Variants in CWF19L2 observed in about 807,000 individuals in gnomAD.
CWF19L2 encodes the protein CWF19 like cell cycle control factor 2, also known as CWF19-like protein 2.
A neutral mutation model predicts 111.7 loss-of-function variants in CWF19L2; 98 were observed. That is an observed-to-expected ratio of 0.88 (90% CI 0.75 to 1.04). CWF19L2 has a LOEUF of 1.04. Ranked by LOEUF, CWF19L2 falls within the 50% of genes least tolerant of loss-of-function variation. The pLI is 0.00. For missense variants in CWF19L2, 1,101 were observed against 1,051.4 expected, an observed-to-expected ratio of 1.05 and a Z score of -0.65; for synonymous variants, 351 against 342.9, an observed-to-expected ratio of 1.02 and a Z score of -0.26.
chr11:107,436,488 T>C (rs1861543458), intron 6 of CWF19L2, among the ~76,000 whole-genome samples: 1 of 152,192 alleles, frequency 6.6e-6, no homozygotes, highest in African/African-American at 2.4e-5. Context: ...TCAGGAAACC[T>C]AGATTTTAGT....
At chr11:107,420,477 G>T (rs1861287857) in intron 8 of CWF19L2, among the ~76,000 whole-genome samples, 1 of 152,034 alleles carries the variant, frequency 6.6e-6, no homozygotes, top group African/African-American at 2.4e-5. Context: ...TTGAATACAT[G>T]AGCAAAAACT....
intron 14 of CWF19L2, among the ~76,000 whole-genome samples, chr11:107,342,107 GT>G (rs1274402062): frequency 1.3e-5 from 2 of 151,706 alleles, no homozygotes; most frequent in Non-Finnish European, 2.9e-5. Context: ...TGCTTTGGAT[GT>G]ACTTTGCTCT....
chr11:107,408,421 G>A (rs1347772806), intron 10 of CWF19L2, among the ~76,000 whole-genome samples: 1 of 151,904 alleles, frequency 6.6e-6, no homozygotes, highest in Non-Finnish European at 1.5e-5. Flanking sequence ...AAAACAAAGA[G>A]GAGGGTTAAG....
intron 6 of CWF19L2, among the ~76,000 whole-genome samples, chr11:107,436,938 C>T (rs540056817): frequency 1.1e-4 from 17 of 152,198 alleles, no homozygotes; most frequent in African/African-American, 4.1e-4. Flanking sequence ...ATAACTGTGC[C>T]ATATAAACTC....
chr11:107,450,431 G>A (rs558180169), intron 3 of CWF19L2, among the ~76,000 whole-genome samples: 5 of 152,084 alleles, frequency 3.3e-5, no homozygotes, highest in Non-Finnish European at 5.9e-5. Flanking sequence ...GTGCACACCC[G>A]TAGTCCCAGC....
Position 107,418,293 on chromosome 11 carries a change from G to T in CWF19L2, c.1434-6C>A. The T allele has an allele frequency of 6.3e-7, 1 of 1,589,074 alleles. No individual in the cohort carries two copies. The highest frequency in any genetic ancestry group is 8.6e-7 in the Non-Finnish European group (1 of 1,157,334). The stretch of plus-strand genomic sequence containing the variant: ...TGGACTCACGCTCTGGACTGCTATT[G>T]GAATAGGAAAGATTAACAGCATATG... On this transcript the variant is annotated splice_region_variant and splice_polypyrimidine_tract_variant and intron_variant, in intron 8 of 17. Transcript: ENST00000282251.
intron 10 of CWF19L2, among the ~76,000 whole-genome samples, chr11:107,410,338 C>T (rs1861139248): frequency 6.6e-6 from 1 of 152,014 alleles, no homozygotes; most frequent in Admixed American, 6.6e-5. Flanking sequence ...GAATAAATTA[C>T]TTTAGTTGCA....
rs748074300 is a variant in CWF19L2, at chr11:107,353,551, C to G, written c.2058G>C (p.Lys686Asn). 2.5e-6 allele frequency: 4 copies of G among 1,613,602 alleles called. No homozygotes were observed. Among genetic ancestry groups the G allele is most frequent in the Non-Finnish European group, 3.4e-6 (4 of 1,179,686 alleles). ...TAACACCTATTGCAACAATAAGATG[C>G]TTGGGAAATTGAGAGCTGTCAAAAC... ...LYCFDSSQFP[K>N]HLIVAIGVKV... The change falls in exon 13 of 18, where the codon AAG becomes AAC. Residue 686 changes from lysine (K) to asparagine (N), a missense_variant. By Grantham distance (94) the Lys-to-Asn change is moderately conservative (BLOSUM62 0). Transcript: ENST00000282251.
chr11:107,385,995 ATGTC>A (rs1860759658), intron 12 of CWF19L2, among the ~76,000 whole-genome samples: 1 of 152,136 alleles, frequency 6.6e-6, no homozygotes, highest in Non-Finnish European at 1.5e-5. Flanking sequence ...ATCTCTTACT[ATGTC>A]TATCAATTAT....
intron 8 of CWF19L2, among the ~76,000 whole-genome samples, chr11:107,425,410 C>T (rs772147679): frequency 1.3e-5 from 2 of 151,856 alleles, no homozygotes; most frequent in Non-Finnish European, 2.9e-5. Flanking sequence ...TACACAAATA[C>T]TTATCATTGT....
chr11:107,339,627 A>C lies in CWF19L2; in HGVS notation c.2203-2914T>G, dbSNP rs77956075. Reference sequence around the variant, plus strand: ...GCTTATTTGCCATCTATTAATATAGATCCTCTTCAGCAAAATGTTTCATGA... The same window carrying C: ...GCTTATTTGCCATCTATTAATATAGCTCCTCTTCAGCAAAATGTTTCATGA... On this transcript the variant is annotated intron_variant, in intron 14 of 17. Coordinates refer to ENST00000282251, the MANE Select transcript of CWF19L2 (RefSeq NM_152434.3). 6.5e-3 allele frequency among the ~76,000 whole-genome samples: 959 copies of C among 148,202 alleles called. 81 individuals carry two copies. In the East Asian group the frequency reaches 0.16, roughly 25 times the overall value.
In CWF19L2 at chr11:107,441,601, C is replaced by T. The variant is rs1014375256; in HGVS notation, c.472G>A (p.Asp158Asn). Reference protein sequence around the residue: ...IIKRDEWMTVDFMSVKTVSSS... With the variant: ...IIKRDEWMTVNFMSVKTVSSS... ...GACACAGTTTTAACAGACATAAAAT[C>T]AACAGTCATCCACTCATCCCTCTGT... The change falls in exon 5 of 18, where the codon GAT becomes AAT. Residue 158 changes from aspartate to asparagine, a missense_variant. Coordinates refer to ENST00000282251, the MANE Select transcript of CWF19L2 (RefSeq NM_152434.3). The T allele has an allele frequency of 1.0e-5, 16 of 1,537,174 alleles. No homozygotes were observed. The highest frequency in any genetic ancestry group is 2.8e-5 in the African/African-American group (2 of 72,218).
At chr11:107,398,593 A>C (rs1421550507) in intron 10 of CWF19L2, among the ~76,000 whole-genome samples, 1 of 152,252 alleles carries the variant, frequency 6.6e-6, no homozygotes, top group East Asian at 1.9e-4. Flanking sequence ...GAATTCTAAA[A>C]GCCCGGAAAA....
intron 7 of CWF19L2, among the ~76,000 whole-genome samples, chr11:107,431,882 AAAC>A (rs1354633745): frequency 1.3e-5 from 2 of 152,172 alleles, no homozygotes; most frequent in African/African-American, 2.4e-5. Flanking sequence ...AATATATAGC[AAAC>A]AACTATATAA....
rs1034782513 is a variant in CWF19L2 at position 107,375,531 on chromosome 11, T to C, written c.1872+14543A>G. Among the ~76,000 whole-genome samples the C allele has an allele frequency of 1.5e-5, 2 of 137,386 alleles. 1 individual carries two copies. Among genetic ancestry groups the C allele is most frequent in the Non-Finnish European group, 3.2e-5 (2 of 63,464 alleles). The allele number at this position is 137,386 out of a possible 152,430, so 90.1% of individuals were successfully genotyped here. ...TGCTCCTGAATGACTACTGGGTACA[T>C]AACGAAATGAAGGCAGAAATAAAGA... On this transcript the variant is annotated intron_variant, in intron 12 of 17. Transcript: ENST00000282251.
intron 10 of CWF19L2, among the ~76,000 whole-genome samples, chr11:107,405,912 G>T (rs1406784904): frequency 6.6e-6 from 1 of 150,454 alleles, no homozygotes; most frequent in Non-Finnish European, 1.5e-5. Flanking sequence ...TAAAAGAAAG[G>T]CAATTATACT....
In CWF19L2 at chr11:107,456,142, A is replaced by T. The variant is rs78005311; in HGVS notation, c.106-366T>A. Reference sequence around the variant, plus strand: ...CTGCCTTAAGACTTTTGCAACAGTTAGACCTCCACGCCTTCAATATGCAAT... The same window carrying T: ...CTGCCTTAAGACTTTTGCAACAGTTTGACCTCCACGCCTTCAATATGCAAT... On this transcript the variant is annotated intron_variant, in intron 1 of 17. Coordinates refer to ENST00000282251, the MANE Select transcript of CWF19L2 (RefSeq NM_152434.3). Among the ~76,000 whole-genome samples, 1,375 of 152,282 alleles carry T rather than the reference A, an allele frequency of 9.0e-3. 19 individuals are homozygous for T. Among genetic ancestry groups the T allele is most frequent in the African/African-American group, 0.031 (1,299 of 41,546 alleles).
intron 12 of CWF19L2, among the ~76,000 whole-genome samples, chr11:107,383,718 T>C (rs1327158201): frequency 6.6e-6 from 1 of 152,064 alleles, no homozygotes; most frequent in Non-Finnish European, 1.5e-5. Flanking sequence ...ATTTTGGAAA[T>C]GCAAGAAAAG....
At chr11:107,363,301 C>G (rs575221079) in intron 12 of CWF19L2, among the ~76,000 whole-genome samples, 56 of 152,174 alleles carry the variant, frequency 3.7e-4, no homozygotes, top group African/African-American at 1.3e-3. Context: ...GGCCAACGTT[C>G]AGATTCAGGA....
Sources: allele counts gnomAD v4.1 joint callset (sites outside exome capture counted in the v4.1 genomes callset), GRCh38; gene constraint gnomAD v4.1.1; transcripts MANE v1.5; gene names NCBI Gene and HGNC (gene_info 2026-07-23, HGNC 2026-07-21).